Variants in ZNF438 observed in about 807,000 individuals in gnomAD.
The protein encoded by ZNF438 is zinc finger protein 438.
Under a neutral mutation model 38.0 loss-of-function variants are expected in ZNF438, and 25 were observed. The ratio of observed to expected loss-of-function variants is 0.66; its 90% CI spans 0.48 to 0.92. The LOEUF (loss-of-function observed/expected upper bound fraction) is 0.92, where lower values mean the gene tolerates loss of function less well. Ranked by LOEUF, ZNF438 falls within the 40% of genes least tolerant of loss-of-function variation. The pLI is 0.00. For synonymous variants in ZNF438, 372 were observed against 364.1 expected, an observed-to-expected ratio of 1.02 and a Z score of -0.25; for missense variants, 1,007 against 999.6, an observed-to-expected ratio of 1.01 and a Z score of -0.10.
At chr10:31,031,404 C>T (rs1375643428) in intron 1 of ZNF438, among the ~76,000 whole-genome samples, 2 of 152,184 alleles carry the variant, frequency 1.3e-5, no homozygotes, top group African/African-American at 4.8e-5. Flanking sequence ...CTTGTGGGAT[C>T]CCAACGGCCA....
intron 3 of ZNF438, among the ~76,000 whole-genome samples, chr10:30,883,596 T>C (rs1481497033): frequency 6.6e-6 from 1 of 152,196 alleles, no homozygotes; most frequent in Non-Finnish European, 1.5e-5. Flanking sequence ...TATTGCCATA[T>C]GCTGTGGCTC....
chr10:30,859,736 A>G (rs1472690056), intron 4 of ZNF438, among the ~76,000 whole-genome samples: 1 of 152,230 alleles, frequency 6.6e-6, no homozygotes. Context: ...TTAGATGCTC[A>G]GCAGATATAC....
chr10:30,844,859 C>A, exon 6 of ZNF438: 1 of 1,395,210 alleles, frequency 7.2e-7, no homozygotes. Flanking sequence ...TCACACCAAT[C>A]CTGTTGTTTG....
At chr10:30,912,657 G>A (rs182331637) in intron 2 of ZNF438, among the ~76,000 whole-genome samples, 90 of 152,220 alleles carry the variant, frequency 5.9e-4, no homozygotes, top group African/African-American at 2.0e-3. Context: ...GGTGAACTAC[G>A]TAGATTTAAA....
At chr10:30,875,287 C>A in intron 4 of ZNF438, 1 of 985,418 alleles carries the variant, frequency 1.0e-6, no homozygotes, top group Non-Finnish European at 1.2e-6. Context: ...TCTGTATCAG[C>A]CAGAGCCAAG....
At chr10:30,977,918 G>GT (rs1399755966) in intron 1 of ZNF438, among the ~76,000 whole-genome samples, 1 of 151,704 alleles carries the variant, frequency 6.6e-6, no homozygotes, top group African/African-American at 2.4e-5. Context: ...GGAGGCCGAG[G>GT]TTGCAGTGCA....
At chr10:30,982,999 A>C (rs1227755213) in intron 1 of ZNF438, among the ~76,000 whole-genome samples, 1 of 152,200 alleles carries the variant, frequency 6.6e-6, no homozygotes, top group Admixed American at 6.5e-5. Context: ...GTGTGACTGA[A>C]CAAAACTACA....
intron 3 of ZNF438, among the ~76,000 whole-genome samples, chr10:30,878,746 CCTGGG>C (rs2038815871): frequency 1.3e-5 from 2 of 152,164 alleles, no homozygotes; most frequent in African/African-American, 4.8e-5. Flanking sequence ...GGCACTCCCA[CCTGGG>C]CACCGCCACA....
At chr10:30,864,394 G>A (rs2036082010) in intron 4 of ZNF438, among the ~76,000 whole-genome samples, 1 of 152,170 alleles carries the variant, frequency 6.6e-6, no homozygotes, top group Non-Finnish European at 1.5e-5. Flanking sequence ...AGCTCTCAGG[G>A]AGGCTGGCCT....
chr10:30,992,348 C>G (rs1050114534), intron 1 of ZNF438, among the ~76,000 whole-genome samples: 1 of 151,654 alleles, frequency 6.6e-6, no homozygotes, highest in East Asian at 1.9e-4. Context: ...ACCTGCATTG[C>G]CATAAATGGA....
chr10:30,929,536 C>T (rs976675556), intron 2 of ZNF438, among the ~76,000 whole-genome samples: 2 of 152,204 alleles, frequency 1.3e-5, no homozygotes, highest in African/African-American at 2.4e-5. Flanking sequence ...GAGTGAGCAG[C>T]AGCAAGATTT....
At chr10:31,000,229 G>T (rs1033220973) in intron 1 of ZNF438, among the ~76,000 whole-genome samples, 1 of 152,034 alleles carries the variant, frequency 6.6e-6, no homozygotes, top group African/African-American at 2.4e-5. Context: ...CCCCATTTCA[G>T]GTATTTCAGA....
rs565378097 is a variant in ZNF438, at chr10:30,962,569, C to T, written c.-191-20918G>A. On this transcript the variant is annotated intron_variant, in intron 1 of 5. Transcript: ENST00000413025. ...TTAAATAAAATACCAATATACACTA[C>T]GTAATATACATTGTGATTGCTCCCA... 5.4e-5 allele frequency among the ~76,000 whole-genome samples: 8 copies of T among 147,634 alleles called. No individual in the cohort carries two copies. In the East Asian group the frequency reaches 1.5e-3, roughly 28 times the overall value.
intron 1 of ZNF438, among the ~76,000 whole-genome samples, chr10:31,007,810 C>T (rs182048247): frequency 2.6e-5 from 4 of 152,236 alleles, no homozygotes; most frequent in Admixed American, 2.6e-4. Flanking sequence ...ACCAAATAGT[C>T]AGCAGAAAGA....
intron 5 of ZNF438, among the ~76,000 whole-genome samples, chr10:30,846,024 G>C (rs1211410785): frequency 1.3e-5 from 2 of 152,196 alleles, no homozygotes; most frequent in Non-Finnish European, 2.9e-5. Context: ...GTCATGTTCA[G>C]TAAAAATAAA....
At chr10:30,971,401 TG>T (rs1473013228) in intron 1 of ZNF438, among the ~76,000 whole-genome samples, 1 of 152,162 alleles carries the variant, frequency 6.6e-6, no homozygotes, top group Non-Finnish European at 1.5e-5. Context: ...TATCCATCTG[TG>T]GTATGTATAC....
chr10:30,980,227 A>G (rs1456048962), intron 1 of ZNF438, among the ~76,000 whole-genome samples: 1 of 150,834 alleles, frequency 6.6e-6, no homozygotes, highest in Non-Finnish European at 1.5e-5. Flanking sequence ...GGTTCTGAAC[A>G]GAGGAATGAC....
intron 3 of ZNF438, among the ~76,000 whole-genome samples, chr10:30,884,252 CTATTA>C (rs2039658074): frequency 6.6e-6 from 1 of 151,898 alleles, no homozygotes; most frequent in Non-Finnish European, 1.5e-5. Flanking sequence ...GCATTTAATT[CTATTA>C]TAATTATTAA....
intron 3 of ZNF438, among the ~76,000 whole-genome samples, chr10:30,887,548 C>A (rs1279014003): frequency 1.3e-5 from 2 of 152,070 alleles, no homozygotes; most frequent in East Asian, 1.9e-4. Flanking sequence ...GCCATCACGT[C>A]CAGCTAATTT....
Sources: gnomAD v4.1 joint callset for allele counts (sites outside exome capture counted in the v4.1 genomes callset) on GRCh38, gnomAD v4.1.1 for gene constraint, MANE v1.5 for transcripts, NCBI Gene and HGNC (gene_info 2026-07-23, HGNC 2026-07-21) for gene names.